FXR2: variants seen among roughly 807,000 people sequenced by gnomAD.
FXR2 encodes the protein RNA-binding protein FXR2.
A neutral mutation model predicts 87.3 loss-of-function variants in FXR2; 9 were observed. The observed-to-expected ratio is 0.10, with a 90% CI of 0.06 to 0.18. The LOEUF (loss-of-function observed/expected upper bound fraction) is 0.18. Ranked by LOEUF, FXR2 falls within the 10% of genes least tolerant of loss-of-function variation. The probability of loss-of-function intolerance (pLI) is 1.00; values close to 1 mark genes in which losing one functional copy is unlikely to be tolerated. For missense variants in FXR2, 661 were observed against 893.6 expected, an observed-to-expected ratio of 0.74 and a Z score of 3.32; for synonymous variants, 331 against 328.3, an observed-to-expected ratio of 1.01 and a Z score of -0.09.
chr17:7,592,259 G>C lies in FXR2; in HGVS notation c.1921C>G (p.Gln641Glu), dbSNP rs759787507. The C allele has an allele frequency of 1.9e-6, 3 of 1,608,152 alleles. No homozygotes were observed. In the African/African-American group the frequency reaches 4.0e-5, roughly 21 times the overall value. The change falls in exon 16 of 17, where the codon CAG becomes GAG. Residue 641 changes from glutamine to glutamate, a missense_variant. By Grantham distance (29) the Gln-to-Glu change is conservative (BLOSUM62 2). Coordinates refer to ENST00000250113, the MANE Select transcript of FXR2 (RefSeq NM_004860.4). This position sits in a 1 kb window ranked among gnomAD's most constrained non-coding sequence, Gnocchi z 4.8. ...TKPSEDSLSG[Q>E]KGDSVSKLPK... Reference sequence around the variant, plus strand: ...AGCACATCTTGCCTGCCTACCTTCTGTCCTGAAAGAGAGTCTTCTGAGGGT... The same window carrying C: ...AGCACATCTTGCCTGCCTACCTTCTCTCCTGAAAGAGAGTCTTCTGAGGGT...
intron 5 of FXR2, among the ~76,000 whole-genome samples, chr17:7,603,518 ACT>A (rs1235930786): frequency 2.8e-5 from 4 of 140,948 alleles, no homozygotes; most frequent in South Asian, 2.3e-4. Context: ...CAAGAGCAAA[ACT>A]CTGTCTCCAA....
In FXR2 at chr17:7,601,451, C is replaced by G; in HGVS notation, c.618G>C (p.Leu206=). 2 of 1,613,138 alleles carry G rather than the reference C, an allele frequency of 1.2e-6. No individual in the cohort carries two copies. Among genetic ancestry groups the G allele is most frequent in the Non-Finnish European group, 1.7e-6 (2 of 1,179,278 alleles). The change falls in exon 7 of 17, where the codon CTG becomes CTC. Residue 206 remains leucine (L), a synonymous_variant. Transcript: ENST00000250113. ...DMHFRSLRTK[L]LLMSRNEEAT... ...CTTCTTCATTGCGGGACATAAGTAG[C>G]AGTTTGGTGCGCAGGCTTCGGAAAT... is the stretch of plus-strand genomic sequence containing the variant.
chr17:7,600,952 G>A (rs1248976440), intron 7 of FXR2, among the ~76,000 whole-genome samples: 2 of 151,592 alleles, frequency 1.3e-5, no homozygotes, highest in African/African-American at 4.9e-5. Context: ...GGCTGAGGCG[G>A]GTGGATCACA....
At chr17:7,613,588 C>T (rs2071896664) in intron 1 of FXR2, among the ~76,000 whole-genome samples, 1 of 152,150 alleles carries the variant, frequency 6.6e-6, no homozygotes, top group Admixed American at 6.6e-5. Context: ...GATAGTTGGC[C>T]AAGAGTCTTC....
At chr17:7,599,652 G>A (rs1055637915) in intron 7 of FXR2, among the ~76,000 whole-genome samples, 4 of 152,116 alleles carry the variant, frequency 2.6e-5, no homozygotes, top group South Asian at 4.1e-4. Flanking sequence ...CGAGGTGGGC[G>A]GATCACCTGA....
At position 7,593,836 on chromosome 17, in the gene FXR2, G is replaced by T; in HGVS notation, c.1107+82C>A. ...TGTTCTACACGGAGAGACAAACAGA[G>T]AACCAAAATCCCTGAGCTGACCCCC... On this transcript the variant is annotated intron_variant, in intron 11 of 16. Coordinates refer to ENST00000250113, the MANE Select transcript of FXR2 (RefSeq NM_004860.4). The surrounding 1 kb of genome is among the most constrained non-coding windows in gnomAD (Gnocchi z 6.1). 2 of 986,800 alleles carry T rather than the reference G, an allele frequency of 2.0e-6. No homozygotes were observed. Among genetic ancestry groups the T allele is most frequent in the Non-Finnish European group, 1.6e-6 (1 of 617,650 alleles). The allele number at this position is 986,800 out of a possible 1,614,324, so 61.1% of individuals were successfully genotyped here.
In FXR2 at chr17:7,592,750, G is replaced by C; in HGVS notation, c.1673C>G (p.Thr558Ser). The change falls in exon 14 of 17, where the codon ACC (threonine) becomes AGC (serine). Residue 558 changes from threonine to serine, a missense_variant. Thr to Ser is a moderately conservative substitution (Grantham distance 58). Coordinates refer to ENST00000250113, the MANE Select transcript of FXR2 (RefSeq NM_004860.4). The surrounding 1 kb of genome is among the most constrained non-coding windows in gnomAD (Gnocchi z 4.8). Reference protein sequence around the residue: ...SRRRRTDEDRTVMDGGLESDG... With the variant: ...SRRRRTDEDRSVMDGGLESDG... ...TGATTCCAGGCCTCCATCCATGACG[G>C]TCCTGTCTTCATCAGTGCGGCGGCG... 1 of 1,613,744 alleles carries C rather than the reference G, an allele frequency of 6.2e-7. No homozygotes were observed. The highest frequency in any genetic ancestry group is 1.1e-5 in the South Asian group (1 of 91,076).
chr17:7,600,054 C>T (rs1488694885), intron 7 of FXR2, among the ~76,000 whole-genome samples: 2 of 151,440 alleles, frequency 1.3e-5, no homozygotes, highest in African/African-American at 2.4e-5. Flanking sequence ...CCTGCCACCA[C>T]GCCTGGCTAA....
chr17:7,606,956 A>G (rs2071807894), intron 1 of FXR2, among the ~76,000 whole-genome samples: 1 of 152,150 alleles, frequency 6.6e-6, no homozygotes, highest in Admixed American at 6.5e-5. Flanking sequence ...AGGGATTTCT[A>G]ATTTTGAAAA....
chr17:7,598,808 C>T (rs1224774533), intron 7 of FXR2, among the ~76,000 whole-genome samples: 1 of 151,982 alleles, frequency 6.6e-6, no homozygotes, highest in Non-Finnish European at 1.5e-5. Context: ...CAGGGGTTCG[C>T]GACCAGCCTA....
chr17:7,610,596 A>G (rs955427049), intron 1 of FXR2, among the ~76,000 whole-genome samples: 1 of 152,184 alleles, frequency 6.6e-6, no homozygotes, highest in Non-Finnish European at 1.5e-5. Context: ...CTCCAAAACT[A>G]GCTCTGTCCC....
intron 1 of FXR2, among the ~76,000 whole-genome samples, chr17:7,610,380 T>C (rs570804100): frequency 3.3e-5 from 5 of 152,278 alleles, no homozygotes; most frequent in African/African-American, 9.6e-5. Flanking sequence ...TCAAATCGGC[T>C]ATGCCTATGG....
chr17:7,598,807 G>T (rs941876543), intron 7 of FXR2, among the ~76,000 whole-genome samples: 2 of 152,012 alleles, frequency 1.3e-5, no homozygotes, highest in African/African-American at 4.8e-5. Context: ...CCAGGGGTTC[G>T]CGACCAGCCT....
rs1369192031 is a variant in FXR2, at chr17:7,595,788, C to T, written c.831+36G>A. On this transcript the variant is annotated intron_variant, in intron 8 of 16. Coordinates refer to ENST00000250113, the MANE Select transcript of FXR2 (RefSeq NM_004860.4). The surrounding 1 kb of genome is among the most constrained non-coding windows in gnomAD (Gnocchi z 4.7). Reference sequence around the variant, plus strand: ...ACTTCGGCCTCTCTTCCCTCTATCCCCTAAGAGACCCAGAAGAAAGACATC... The same window carrying T: ...ACTTCGGCCTCTCTTCCCTCTATCCTCTAAGAGACCCAGAAGAAAGACATC... The T allele has an allele frequency of 3.2e-6, 5 of 1,580,808 alleles. No individual in the cohort carries two copies. The highest frequency in any genetic ancestry group is 1.1e-5 in the South Asian group (1 of 89,936).
At chr17:7,597,774 G>A (rs1002462754) in intron 7 of FXR2, among the ~76,000 whole-genome samples, 2 of 151,550 alleles carry the variant, frequency 1.3e-5, no homozygotes, top group Admixed American at 6.6e-5. Context: ...CTCAGTGATT[G>A]CCTTAACCTT....
At chr17:7,598,865 G>A (rs1198313296) in intron 7 of FXR2, among the ~76,000 whole-genome samples, 4 of 152,180 alleles carry the variant, frequency 2.6e-5, no homozygotes, top group African/African-American at 9.7e-5. Context: ...TGAAATTAGG[G>A]CCAGGTATAG....
Position 7,595,471 on chromosome 17 carries a change from T to G in FXR2, c.831+353A>C, listed in dbSNP as rs1420043628. Among the ~76,000 whole-genome samples, 1 of 149,724 alleles carries G rather than the reference T, an allele frequency of 6.7e-6. No individual in the cohort carries two copies. Among genetic ancestry groups the G allele is most frequent in the Non-Finnish European group, 1.5e-5 (1 of 67,004 alleles). On this transcript the variant is annotated intron_variant, in intron 8 of 16. Transcript: ENST00000250113. This position sits in a 1 kb window ranked among gnomAD's most constrained non-coding sequence, Gnocchi z 4.7. ...TCAGTTAACGTTTTTTGGTTTTTGG[T>G]TTTTTTGGGGGGTAAAGACAGGGTC...
chr17:7,593,291 CA>C lies in FXR2; in HGVS notation c.1330+111del, dbSNP rs569146094. On this transcript the variant is annotated intron_variant, in intron 12 of 16. Coordinates refer to ENST00000250113, the MANE Select transcript of FXR2 (RefSeq NM_004860.4). This position sits in a 1 kb window ranked among gnomAD's most constrained non-coding sequence, Gnocchi z 6.1. ...CTCACTCACAAGCCTCCCAGCCAATCAATCACTTTTTCATCATCTCCATTCC... is the reference window on the plus strand; with the variant it reads ...CTCACTCACAAGCCTCCCAGCCAATCATCACTTTTTCATCATCTCCATTCC... 160 of 1,222,144 alleles carry C rather than the reference CA, an allele frequency of 1.3e-4. 1 individual carries two copies. The African/African-American group carries it at 2.3e-3, about 18-fold the overall frequency. The allele number at this position is 1,222,144 out of a possible 1,614,324, so 75.7% of individuals were successfully genotyped here.
intron 7 of FXR2, among the ~76,000 whole-genome samples, chr17:7,597,477 G>T (rs2071716670): frequency 6.7e-6 from 1 of 150,340 alleles, no homozygotes; most frequent in Non-Finnish European, 1.5e-5. Flanking sequence ...AGAACAGCTG[G>T]GTTTTCTTTT....
Sources: gnomAD v4.1 joint callset for allele counts (sites outside exome capture counted in the v4.1 genomes callset) on GRCh38, gnomAD v4.1.1 for gene constraint, Gnocchi (gnomAD v3.1) non-coding constraint, MANE v1.5 for transcripts, NCBI Gene and HGNC (gene_info 2026-07-23, HGNC 2026-07-21) for gene names.